SPINK9: variants seen among roughly 807,000 people sequenced by gnomAD.
SPINK9 encodes serine protease inhibitor Kazal-type 9.
SPINK9 carries 3 observed loss-of-function variants against 10.8 expected under a neutral mutation model. The observed-to-expected ratio is 0.28, with a 90% CI of 0.13 to 0.72. The LOEUF is 0.72. SPINK9 is among the 30% of genes least tolerant of loss of function. The pLI is 0.74. For synonymous variants in SPINK9, 30 were observed against 31.2 expected, an observed-to-expected ratio of 0.96 and a Z score of 0.12; for missense variants, 101 against 103.2, an observed-to-expected ratio of 0.98 and a Z score of 0.09.
At chr5:148,330,203 CATTT>C (rs1242759754) in intron 2 of SPINK9, among the ~76,000 whole-genome samples, 1 of 152,056 alleles carries the variant, frequency 6.6e-6, no homozygotes, top group Non-Finnish European at 1.5e-5. Context: ...ATTGGGTGCA[CATTT>C]ATTTAGGATA....
chr5:148,334,922 A>G (rs376355500), upstream of SPINK9, among the ~76,000 whole-genome samples: 1 of 152,126 alleles, frequency 6.6e-6, no homozygotes, highest in Non-Finnish European at 1.5e-5. Flanking sequence ...GTAGCTGGCA[A>G]TTAGTTCAGG....
At chr5:148,325,854 T>C (rs1757052788) in intron 2 of SPINK9, among the ~76,000 whole-genome samples, 1 of 152,210 alleles carries the variant, frequency 6.6e-6, no homozygotes, top group South Asian at 2.1e-4. Flanking sequence ...AGTTATTTCA[T>C]TTTTAGATTT....
At position 148,339,744 on chromosome 5, in the gene SPINK9, T is replaced by C. The variant is rs764218008; in HGVS notation, c.*32T>C. The C allele has an allele frequency of 2.6e-6, 4 of 1,554,978 alleles. No homozygotes were observed. In the South Asian group the frequency reaches 3.3e-5, roughly 13 times the overall value. On this transcript the variant is annotated 3_prime_UTR_variant, in exon 4 of 4. Transcript: ENST00000377906. Reference sequence around the variant, plus strand: ...CTTGTGAGTCCAAAATATCTTTTAATGCATCTATTCACAAGAGTCACATTT... The same window carrying C: ...CTTGTGAGTCCAAAATATCTTTTAACGCATCTATTCACAAGAGTCACATTT...
chr5:148,335,489 G>T (rs1254283062), upstream of SPINK9: 2 of 789,494 alleles, frequency 2.5e-6, no homozygotes, highest in East Asian at 5.1e-5. Context: ...GTACTACTTA[G>T]AAATTGCTAT....
intron 1 of SPINK9, among the ~76,000 whole-genome samples, chr5:148,321,861 A>G (rs1757003754): frequency 6.6e-6 from 1 of 152,182 alleles, no homozygotes; most frequent in Admixed American, 6.5e-5. Context: ...AAATAAAGAT[A>G]TTTTATATTG....
chr5:148,330,834 C>G (rs1032727394), upstream of SPINK9, among the ~76,000 whole-genome samples: 1 of 152,128 alleles, frequency 6.6e-6, no homozygotes, highest in African/African-American at 2.4e-5. Flanking sequence ...AATATTGGCC[C>G]CCACTCTCTT....
chr5:148,322,033 TA>T (rs1757005220), intron 1 of SPINK9, among the ~76,000 whole-genome samples: 1 of 152,226 alleles, frequency 6.6e-6, no homozygotes, highest in South Asian at 2.1e-4. Context: ...TCAATTATAC[TA>T]TGAGAAATTT....
At chr5:148,338,382 T>C in intron 2 of SPINK9, 96 bp from the exon 3 acceptor site, 8 of 1,065,160 alleles carry the variant, frequency 7.5e-6, no homozygotes, top group Non-Finnish European at 1.1e-5. Flanking sequence ...ATAAGAAACA[T>C]GCATTGAGAG....
rs534341674 is a variant in SPINK9 at position 148,336,539 on chromosome 5, A to G, written c.87+86A>G. 9.5e-5 allele frequency: 127 copies of G among 1,332,968 alleles called. No individual in the cohort carries two copies. The African/African-American group carries it at 1.7e-3, about 18-fold the overall frequency. The allele number at this position is 1,332,968 out of a possible 1,614,324, so 82.6% of individuals were successfully genotyped here. ...GATACTACACAGTAATTAAATTTCT[A>G]TATGTTTGAATATTTACTTTATGTG... On this transcript the variant is annotated intron_variant, in intron 2 of 3. Transcript: ENST00000377906.
At chr5:148,325,788 A>G (rs1757051340) in intron 2 of SPINK9, among the ~76,000 whole-genome samples, 2 of 152,148 alleles carry the variant, frequency 1.3e-5, no homozygotes, top group African/African-American at 4.8e-5. Flanking sequence ...GTCATATCTA[A>G]GAAATCATTG....
intron 2 of SPINK9, among the ~76,000 whole-genome samples, chr5:148,326,264 T>C (rs1175986272): frequency 6.6e-6 from 1 of 152,146 alleles, no homozygotes; most frequent in African/African-American, 2.4e-5. Context: ...GGTGAGAATG[T>C]GAGAAAAAGG....
chr5:148,326,485 T>A (rs1295288826), intron 2 of SPINK9, among the ~76,000 whole-genome samples: 1 of 152,094 alleles, frequency 6.6e-6, no homozygotes, highest in Admixed American at 6.6e-5. Flanking sequence ...GATATAGAAA[T>A]AACCAAAGTG....
upstream of SPINK9, among the ~76,000 whole-genome samples, chr5:148,333,160 G>A (rs2113419979): frequency 6.6e-6 from 1 of 152,242 alleles, no homozygotes. Context: ...GTGGAAAGAG[G>A]AGTACAAGGA....
chr5:148,327,123 C>A (rs1309421855), intron 2 of SPINK9, among the ~76,000 whole-genome samples: 2 of 152,164 alleles, frequency 1.3e-5, no homozygotes, highest in African/African-American at 4.8e-5. Context: ...AGTTAACAGT[C>A]CCACCAACAG....
At chr5:148,329,843 A>G (rs567517265) in intron 2 of SPINK9, among the ~76,000 whole-genome samples, 9 of 152,126 alleles carry the variant, frequency 5.9e-5, no homozygotes, top group Admixed American at 5.9e-4. Context: ...CATGAGTTCT[A>G]GTTTGATTGC....
At chr5:148,332,761 C>A (rs553919166), upstream of SPINK9, among the ~76,000 whole-genome samples, 1 of 152,256 alleles carries the variant, frequency 6.6e-6, no homozygotes, top group African/African-American at 2.4e-5. Flanking sequence ...GTGGGACTGA[C>A]AATGAGGCTG....
intron 2 of SPINK9, among the ~76,000 whole-genome samples, chr5:148,336,937 GC>G (rs1340804819): frequency 6.6e-6 from 1 of 152,148 alleles, no homozygotes; most frequent in Non-Finnish European, 1.5e-5. Flanking sequence ...AGGTGTGGTA[GC>G]AAAAATCTTA....
chr5:148,329,034 G>A (rs1172561306), intron 2 of SPINK9, among the ~76,000 whole-genome samples: 3 of 152,136 alleles, frequency 2.0e-5, no homozygotes, highest in Non-Finnish European at 2.9e-5. Context: ...TAGTTAGGGA[G>A]GATTCCCTCA....
chr5:148,335,507 T>C, upstream of SPINK9: 1 of 969,474 alleles, frequency 1.0e-6, no homozygotes, highest in South Asian at 1.5e-5. Context: ...TATTTCACAA[T>C]TGAGGCAGGA....
Sources: allele counts gnomAD v4.1 joint callset (sites outside exome capture counted in the v4.1 genomes callset), GRCh38; gene constraint gnomAD v4.1.1; transcripts MANE v1.5; gene names NCBI Gene and HGNC (gene_info 2026-07-23, HGNC 2026-07-21).